Variants in ARHGEF28 observed in about 807,000 individuals in gnomAD.
The protein encoded by ARHGEF28 is Rho guanine nucleotide exchange factor 28.
ARHGEF28 carries 152 observed loss-of-function variants against 206.6 expected under a neutral mutation model. The observed-to-expected ratio is 0.74, with a 90% CI of 0.64 to 0.84. The LOEUF (loss-of-function observed/expected upper bound fraction) is 0.84, where lower values mean the gene tolerates loss of function less well. ARHGEF28 is among the 40% of genes least tolerant of loss of function. The pLI, the probability that ARHGEF28 is intolerant of heterozygous loss-of-function variation, is 0.00. For missense variants in ARHGEF28, 2,028 were observed against 2,073.2 expected, an observed-to-expected ratio of 0.98 and a Z score of 0.42; for synonymous variants, 763 against 776.4, an observed-to-expected ratio of 0.98 and a Z score of 0.29.
chr5:73,863,342 C>T (rs1306710781), intron 16 of ARHGEF28: 1 of 152,098 alleles, frequency 6.6e-6, no homozygotes, highest in Non-Finnish European at 1.5e-5. Flanking sequence ...TCTAATTTTT[C>T]TGATCTCTTC....
intron 2 of ARHGEF28, among the ~76,000 whole-genome samples, chr5:73,747,978 C>T (rs561735256): frequency 6.6e-6 from 1 of 152,196 alleles, no homozygotes; most frequent in South Asian, 2.1e-4. Context: ...GATTAGATAT[C>T]CTTGTGATCT....
chr5:73,847,043 C>CTTAT (rs1281882082), intron 12 of ARHGEF28, among the ~76,000 whole-genome samples: 1 of 151,718 alleles, frequency 6.6e-6, no homozygotes, highest in African/African-American at 2.4e-5. Context: ...TATTTATTTA[C>CTTAT]TTATTTATTT....
intron 4 of ARHGEF28, among the ~76,000 whole-genome samples, chr5:73,758,973 A>C (rs1027290925): frequency 6.6e-6 from 1 of 152,204 alleles, no homozygotes; most frequent in Non-Finnish European, 1.5e-5. Context: ...TCTATGAGTG[A>C]AAGAAAATTT....
rs1762408545 is a variant in ARHGEF28 at position 73,903,927 on chromosome 5, T to C, written c.4075-295T>C. 7.0e-6 allele frequency: 3 copies of C among 429,648 alleles called. No homozygotes were observed. The East Asian group carries it at 1.2e-4, about 18-fold the overall frequency. 26.6% of individuals were successfully genotyped at this position (429,648 alleles called of 1,614,324 possible). On this transcript the variant is annotated intron_variant, in intron 31 of 35. Transcript: ENST00000513042. ...GTGGTTTGCACAAGGTAAATGTTGTTACTTGAGTTTTCAGGGTGTCCTTAC... is the reference window on the plus strand; with the variant it reads ...GTGGTTTGCACAAGGTAAATGTTGTCACTTGAGTTTTCAGGGTGTCCTTAC...
chr5:73,776,714 C>G lies in ARHGEF28; in HGVS notation c.840+18C>G. On this transcript the variant is annotated intron_variant, in intron 6 of 35. Transcript: ENST00000513042. ...TTGTCAAGGTTTGTACATAGTGATT[C>G]TAGCATGTGATAATGCATGCTTCAG... 1 of 1,586,100 alleles carries G rather than the reference C, an allele frequency of 6.3e-7. No homozygotes were observed. Among genetic ancestry groups the G allele is most frequent in the Non-Finnish European group, 8.6e-7 (1 of 1,161,698 alleles).
chr5:73,729,572 C>T (rs1212352589), intron 2 of ARHGEF28, among the ~76,000 whole-genome samples: 1 of 152,164 alleles, frequency 6.6e-6, no homozygotes, highest in African/African-American at 2.4e-5. Context: ...GATGGCCATA[C>T]TTTTGTTTGT....
At chr5:73,627,108 A>G (rs780929727) in intron 1 of ARHGEF28, 2 of 152,192 alleles carry the variant, frequency 1.3e-5, no homozygotes, top group Non-Finnish European at 2.9e-5. Flanking sequence ...GAAAGAATCC[A>G]TCTCTATAGG....
intron 22 of ARHGEF28, among the ~76,000 whole-genome samples, chr5:73,879,642 C>T (rs965182690): frequency 5.9e-5 from 9 of 152,170 alleles, no homozygotes; most frequent in South Asian, 2.1e-4. Flanking sequence ...TTCCTTCTAA[C>T]GGACAGGACC....
At position 73,909,832 on chromosome 5, in the gene ARHGEF28, C is replaced by T; in HGVS notation, c.4582C>T (p.Leu1528=). The T allele has an allele frequency of 6.5e-7, 1 of 1,538,362 alleles. No homozygotes were observed. Residue 1528 remains leucine (L), a synonymous_variant, in exon 34 of 36, where the codon CTG becomes TTG. Coordinates refer to ENST00000513042, the MANE Select transcript of ARHGEF28 (RefSeq NM_001177693.2). The stretch of plus-strand genomic sequence containing the variant: ...GAGGATGCGGGCCCAGCAGAGCCTG[C>T]TGGGCCACTGGAAGCACGGCCGGCA... ...QARMRAQQSL[L]GHWKHGRQRS... is the part of the protein sequence containing the mutation.
In ARHGEF28 at chr5:73,794,469, C is replaced by G. The variant is rs1460515692; in HGVS notation, c.963+15C>G. The G allele has an allele frequency of 6.3e-7, 1 of 1,577,758 alleles. No homozygotes were observed. Among genetic ancestry groups the G allele is most frequent in the Admixed American group, 1.8e-5 (1 of 57,082 alleles). On this transcript the variant is annotated intron_variant, in intron 8 of 35. Transcript: ENST00000513042. ...AAGATATAAAGGTAATGAATGACTC[C>G]CTGCTTCTTTCTTTGCACGTCTTTC...
At chr5:73,682,370 G>T (rs1747162001) in intron 1 of ARHGEF28, among the ~76,000 whole-genome samples, 1 of 151,332 alleles carries the variant, frequency 6.6e-6, no homozygotes, top group Non-Finnish European at 1.5e-5. Context: ...TCACTTTCTT[G>T]CCAAGTGTAT....
chr5:73,717,145 G>A (rs946712114), intron 2 of ARHGEF28, among the ~76,000 whole-genome samples: 4 of 152,172 alleles, frequency 2.6e-5, no homozygotes, highest in Admixed American at 6.5e-5. Flanking sequence ...AACAGAATGC[G>A]ACTCCATAAT....
At position 73,903,301 on chromosome 5, in the gene ARHGEF28, A is replaced by G. The variant is rs1249925383; in HGVS notation, c.4075-921A>G. The G allele has an allele frequency of 3.9e-5, 6 of 152,268 alleles. No individual in the cohort carries two copies. In the South Asian group the frequency reaches 1.2e-3, roughly 32 times the overall value. 9.4% of individuals were successfully genotyped at this position (152,268 alleles called of 1,614,324 possible). On this transcript the variant is annotated intron_variant, in intron 31 of 35. Transcript: ENST00000513042. ...CCATAGCGTAAGGTGTGAAGTTTACAGTGGGTGATCGATATTTATTTATTG... is the reference window on the plus strand; with the variant it reads ...CCATAGCGTAAGGTGTGAAGTTTACGGTGGGTGATCGATATTTATTTATTG...
chr5:73,795,552 A>G (rs1407299363), intron 9 of ARHGEF28, 161 bp downstream of exon 9: 2 of 632,292 alleles, frequency 3.2e-6, no homozygotes, highest in African/African-American at 3.7e-5. Flanking sequence ...GATCATTTGT[A>G]ATACTATGAC....
At chr5:73,652,981 G>A (rs780171240) in intron 1 of ARHGEF28, among the ~76,000 whole-genome samples, 4 of 152,218 alleles carry the variant, frequency 2.6e-5, no homozygotes, top group African/African-American at 4.8e-5. Context: ...GAAAGATGCC[G>A]TCAGTGTGTA....
chr5:73,775,795 C>T (rs373908799), intron 5 of ARHGEF28, among the ~76,000 whole-genome samples: 28 of 152,026 alleles, frequency 1.8e-4, no homozygotes, highest in Admixed American at 2.6e-4. Flanking sequence ...CAGAATATTG[C>T]GATACTAACC....
At chr5:73,829,445 A>G (rs1025632375) in intron 9 of ARHGEF28, among the ~76,000 whole-genome samples, 3 of 152,108 alleles carry the variant, frequency 2.0e-5, no homozygotes, top group African/African-American at 7.2e-5. Flanking sequence ...CAGTGGCGCA[A>G]TCTCGGCTCA....
intron 27 of ARHGEF28, among the ~76,000 whole-genome samples, chr5:73,892,816 G>A (rs75045278): frequency 0.017 from 2,529 of 152,198 alleles, 71 homozygotes; most frequent in African/African-American, 0.054. Flanking sequence ...CTCAACAGTA[G>A]TTTGATTAGT....
In ARHGEF28 at chr5:73,731,879, C is replaced by T. The variant is rs116105623; in HGVS notation, c.34-17958C>T. ...CTCTTCTCATTTCTGAATTAAGGGA[C>T]ACTTGTAGAAGTACATCTAGCACTA... On this transcript the variant is annotated intron_variant, in intron 2 of 35. Coordinates refer to ENST00000513042, the MANE Select transcript of ARHGEF28 (RefSeq NM_001177693.2). Among the ~76,000 whole-genome samples, 1,185 of 152,174 alleles carry T rather than the reference C, an allele frequency of 7.8e-3. 12 individuals are homozygous for T. The highest frequency in any genetic ancestry group is 0.028 in the African/African-American group (1,144 of 41,498).
Sources: allele counts gnomAD v4.1 joint callset (sites outside exome capture counted in the v4.1 genomes callset), GRCh38; gene constraint gnomAD v4.1.1; transcripts MANE v1.5; gene names NCBI Gene and HGNC (gene_info 2026-07-23, HGNC 2026-07-21).